ARHGEF38: variants seen among roughly 807,000 people sequenced by gnomAD.
ARHGEF38 encodes Rho guanine nucleotide exchange factor 38, also known as Rho guanine nucleotide exchange factor (GEF) 38.
In ARHGEF38, 79 loss-of-function variants were observed where a neutral mutation model predicts 79.9. The observed-to-expected ratio is 0.99, with a 90% CI of 0.82 to 1.19. The LOEUF (loss-of-function observed/expected upper bound fraction) is 1.19, where lower values mean the gene tolerates loss of function less well. ARHGEF38 is among the 50% of genes most tolerant of loss of function. The pLI is 0.00. For missense variants in ARHGEF38, 962 were observed against 907.2 expected, an observed-to-expected ratio of 1.06 and a Z score of -0.78; for synonymous variants, 366 against 328.3, an observed-to-expected ratio of 1.11 and a Z score of -1.24.
chr4:105,600,719 T>G (rs1560713330), intron 2 of ARHGEF38, among the ~76,000 whole-genome samples: 1 of 152,206 alleles, frequency 6.6e-6, no homozygotes, highest in Non-Finnish European at 1.5e-5. Context: ...CAATTTAACA[T>G]GTTCAAAACT....
At position 105,671,623 on chromosome 4, in the gene ARHGEF38, T is replaced by C. The variant is rs115118658; in HGVS notation, c.2148+3920T>C. 3.8e-3 allele frequency among the ~76,000 whole-genome samples: 579 copies of C among 152,324 alleles called. 1 individual carries two copies. Among genetic ancestry groups the C allele is most frequent in the African/African-American group, 0.013 (551 of 41,570 alleles). On this transcript the variant is annotated intron_variant, in intron 13 of 13. Transcript: ENST00000420470. ...ATTAACCTCTGTATTTGTGATGTGA[T>C]AGTATAAGTCAATACATTATAGAGG...
chr4:105,555,073 A>G (rs1725189703), intron 1 of ARHGEF38, among the ~76,000 whole-genome samples: 1 of 152,218 alleles, frequency 6.6e-6, no homozygotes. Flanking sequence ...TAAGTCTATG[A>G]CCACACAAGA....
chr4:105,644,050 T>C (rs1729735776), intron 5 of ARHGEF38, among the ~76,000 whole-genome samples: 2 of 151,864 alleles, frequency 1.3e-5, no homozygotes, highest in African/African-American at 4.8e-5. Context: ...TATTTTTTTC[T>C]AGAGACGGGG....
At position 105,630,966 on chromosome 4, in the gene ARHGEF38, G is replaced by A; in HGVS notation, c.577G>A (p.Glu193Lys). Residue 193 changes from glutamate to lysine, a missense_variant, in exon 4 of 14, where the codon GAA becomes AAA. Transcript: ENST00000420470. ...IYKIYCYHHDEAHSILESYEK... is the reference protein window; with the variant it reads ...IYKIYCYHHDKAHSILESYEK... The stretch of plus-strand genomic sequence containing the variant: ...TAAAATCTACTGCTATCACCATGAT[G>A]AAGCACATAGTATACTGGAGTCCTA... 1 of 1,613,822 alleles carries A rather than the reference G, an allele frequency of 6.2e-7. No individual in the cohort carries two copies. Among genetic ancestry groups the A allele is most frequent in the Non-Finnish European group, 8.5e-7 (1 of 1,179,820 alleles).
At position 105,680,059 on chromosome 4, in the gene ARHGEF38, C is replaced by T; in HGVS notation, c.*2122C>T. Reference sequence around the variant, plus strand: ...TCTTCGTCTCACAGAAAATAATAGCCCTCCCTTCAGATCCACTGTAGACTT... The same window carrying T: ...TCTTCGTCTCACAGAAAATAATAGCTCTCCCTTCAGATCCACTGTAGACTT... On this transcript the variant is annotated 3_prime_UTR_variant, in exon 14 of 14. Transcript: ENST00000420470. 1.2e-6 allele frequency: 1 copy of T among 812,968 alleles called. No individual in the cohort carries two copies. The allele number at this position is 812,968 out of a possible 1,614,324, so 50.4% of individuals were successfully genotyped here. A position where few individuals can be genotyped will look rare whatever the true frequency, so the allele number is the denominator to read the frequency against.
intron 1 of ARHGEF38, among the ~76,000 whole-genome samples, chr4:105,569,253 T>A (rs1446346769): frequency 6.6e-6 from 1 of 152,220 alleles, no homozygotes; most frequent in Non-Finnish European, 1.5e-5. Flanking sequence ...ATTTTTAAAA[T>A]TCAGATGTTA....
At chr4:105,605,848 T>C (rs959614859) in intron 2 of ARHGEF38, among the ~76,000 whole-genome samples, 3 of 152,104 alleles carry the variant, frequency 2.0e-5, no homozygotes, top group Non-Finnish European at 2.9e-5. Context: ...AGCAGTCCTC[T>C]TCTCAACTTC....
Position 105,648,541 on chromosome 4 carries a change from C to T in ARHGEF38, c.875-8C>T. 1.3e-6 allele frequency: 2 copies of T among 1,497,620 alleles called. No homozygotes were observed. The highest frequency in any genetic ancestry group is 1.8e-6 in the Non-Finnish European group (2 of 1,130,532). The allele number at this position is 1,497,620 out of a possible 1,614,324, so 92.8% of individuals were successfully genotyped here. On this transcript the variant is annotated splice_polypyrimidine_tract_variant and splice_region_variant and intron_variant, in intron 6 of 13. Coordinates refer to ENST00000420470, the MANE Select transcript of ARHGEF38 (RefSeq NM_001242729.2). ...GTTCAGCTACGTTATTACATTCTTC[C>T]TTTTCAGTTCTAAAATACAAGAAGA...
intron 13 of ARHGEF38, among the ~76,000 whole-genome samples, chr4:105,669,763 C>CA (rs1730896761): frequency 6.6e-6 from 1 of 152,030 alleles, no homozygotes; most frequent in Non-Finnish European, 1.5e-5. Context: ...TCTTTCACTC[C>CA]AAAAAACCCT....
chr4:105,666,233 C>G lies in ARHGEF38; in HGVS notation c.1602C>G (p.Ile534Met). ...TTCAGAATCAAGTACTAGAAGAGAT[C>G]CAAAATTTGAATTGTGTGAAAGAAA... ...SEIQNQVLEE[I>M]QNLNCVKENS... is the part of the protein sequence containing the mutation. Residue 534 changes from isoleucine (I) to methionine (M), a missense_variant, in exon 11 of 14, where the codon ATC becomes ATG. Transcript: ENST00000420470. The G allele has an allele frequency of 6.5e-7, 1 of 1,535,168 alleles. No homozygotes were observed. The highest frequency in any genetic ancestry group is 8.7e-7 in the Non-Finnish European group (1 of 1,146,472).
chr4:105,585,725 G>GTTTTT (rs1491390111), intron 1 of ARHGEF38, among the ~76,000 whole-genome samples: 8 of 14,440 alleles, frequency 5.5e-4, no homozygotes, highest in Admixed American at 9.0e-4. Flanking sequence ...CCCCTCCGTT[G>GTTTTT]CTTTTTTTTT....
In ARHGEF38 at chr4:105,679,323, A is replaced by G. The variant is rs903176690; in HGVS notation, c.*1386A>G. 10 of 879,922 alleles carry G rather than the reference A, an allele frequency of 1.1e-5. No individual in the cohort carries two copies. Among genetic ancestry groups the G allele is most frequent in the Admixed American group, 1.9e-5 (1 of 53,964 alleles). The allele number at this position is 879,922 out of a possible 1,614,324, so 54.5% of individuals were successfully genotyped here. On this transcript the variant is annotated 3_prime_UTR_variant, in exon 14 of 14. Coordinates refer to ENST00000420470, the MANE Select transcript of ARHGEF38 (RefSeq NM_001242729.2). ...CACTTTGCCTGTAACCTTTGACTCA[A>G]TTGGAGGAATATCAAAGCAAACACC...
chr4:105,648,457 G>T, intron 6 of ARHGEF38, 92 bp from the exon 7 acceptor site: 1 of 1,149,620 alleles, frequency 8.7e-7, no homozygotes, highest in Non-Finnish European at 1.2e-6. Flanking sequence ...TATTTATCTT[G>T]AATATAAATA....
chr4:105,645,524 A>G (rs929922212), intron 6 of ARHGEF38, 137 bp downstream of exon 6: 63 of 771,288 alleles, frequency 8.2e-5, no homozygotes, highest in Non-Finnish European at 1.1e-4. Context: ...GAAGCTGGAG[A>G]GAAGAGTGTG....
At position 105,631,000 on chromosome 4, in the gene ARHGEF38, A is replaced by G. The variant is rs537232897; in HGVS notation, c.611A>G (p.Glu204Gly). The change falls in exon 4 of 14, where the codon GAA becomes GGA. Residue 204 changes from glutamate (E) to glycine (G), a missense_variant. Coordinates refer to ENST00000420470, the MANE Select transcript of ARHGEF38 (RefSeq NM_001242729.2). Reference sequence around the variant, plus strand: ...AGTATACTGGAGTCCTATGAAAAGGAAGAAGAGCTGAAGGAACATTTGAGC... The same window carrying G: ...AGTATACTGGAGTCCTATGAAAAGGGAGAAGAGCTGAAGGAACATTTGAGC... ...AHSILESYEK[E>G]EELKEHLSHC... The G allele has an allele frequency of 6.2e-7, 1 of 1,613,924 alleles. No individual in the cohort carries two copies. The highest frequency in any genetic ancestry group is 1.3e-5 in the African/African-American group (1 of 75,046).
intron 13 of ARHGEF38, among the ~76,000 whole-genome samples, chr4:105,676,417 G>A (rs936854675): frequency 1.3e-5 from 2 of 151,446 alleles, no homozygotes; most frequent in African/African-American, 4.8e-5. Flanking sequence ...TTTGTTCACT[G>A]GCATTTTCTT....
intron 1 of ARHGEF38, among the ~76,000 whole-genome samples, chr4:105,560,320 G>C (rs926810365): frequency 1.3e-5 from 2 of 152,072 alleles, no homozygotes; most frequent in Admixed American, 1.3e-4. Flanking sequence ...TCCATTTCCT[G>C]CTTCATTGCG....
intron 9 of ARHGEF38, among the ~76,000 whole-genome samples, chr4:105,656,991 C>T (rs910114776): frequency 1.3e-5 from 2 of 151,702 alleles, no homozygotes; most frequent in Non-Finnish European, 2.9e-5. Context: ...TGGATAGGTA[C>T]AGGCAGATAG....
rs2149172819 is a variant in ARHGEF38, at chr4:105,679,861, G to A, written c.*1924G>A. Reference sequence around the variant, plus strand: ...GAGGAGGAGAACTTTGAATCACCAGGTCAACTACAGGAATGTCCAAACCAC... The same window carrying A: ...GAGGAGGAGAACTTTGAATCACCAGATCAACTACAGGAATGTCCAAACCAC... On this transcript the variant is annotated 3_prime_UTR_variant, in exon 14 of 14. Transcript: ENST00000420470. 1.4e-6 allele frequency: 2 copies of A among 1,424,964 alleles called. No individual in the cohort carries two copies. Among genetic ancestry groups the A allele is most frequent in the Non-Finnish European group, 2.0e-6 (2 of 1,012,638 alleles). The allele number at this position is 1,424,964 out of a possible 1,614,324, so 88.3% of individuals were successfully genotyped here.
Sources: gnomAD v4.1 joint callset for allele counts (sites outside exome capture counted in the v4.1 genomes callset) on GRCh38, gnomAD v4.1.1 for gene constraint, MANE v1.5 for transcripts, NCBI Gene and HGNC (gene_info 2026-07-23, HGNC 2026-07-21) for gene names.